LIMK1: variants seen among roughly 807,000 people sequenced by gnomAD.
LIMK1 encodes LIM motif-containing protein kinase.
A neutral mutation model predicts 77.6 loss-of-function variants in LIMK1; 21 were observed. The ratio of observed to expected loss-of-function variants is 0.27; its 90% CI spans 0.19 to 0.39. LIMK1 has a LOEUF of 0.39. LIMK1 is among the 10% of genes least tolerant of loss of function. The probability of loss-of-function intolerance (pLI) is 1.00; values close to 1 mark genes in which losing one functional copy is unlikely to be tolerated. For missense variants in LIMK1, 696 were observed against 901.6 expected, an observed-to-expected ratio of 0.77 and a Z score of 2.92; for synonymous variants, 358 against 370.0, an observed-to-expected ratio of 0.97 and a Z score of 0.37.
chr7:74,086,886 C>T (rs781890450), intron 2 of LIMK1, among the ~76,000 whole-genome samples: 1 of 152,134 alleles, frequency 6.6e-6, no homozygotes, highest in Non-Finnish European at 1.5e-5. Flanking sequence ...AGGCTGCTTG[C>T]GAACATGCAT....
chr7:74,094,423 G>A (rs1554695260), intron 2 of LIMK1: 1 of 152,306 alleles, frequency 6.6e-6, no homozygotes, highest in African/African-American at 2.4e-5. Context: ...GGGACACTTG[G>A]TTACAGCAAT....
intron 12 of LIMK1, 117 bp from the exon 13 acceptor site, chr7:74,115,685 G>A (rs559064169): frequency 3.7e-5 from 41 of 1,121,222 alleles, no homozygotes; most frequent in Middle Eastern, 2.3e-4. Context: ...CCAATACAGC[G>A]TATCAGAGGT....
chr7:74,093,353 T>C, intron 2 of LIMK1: 1 of 1,532,364 alleles, frequency 6.5e-7, no homozygotes, highest in Non-Finnish European at 8.7e-7. Context: ...GGGCCCCTGG[T>C]GTAAGGCCTG....
rs117811959 is a variant in LIMK1 at position 74,088,305 on chromosome 7, C to T, written c.152+2461C>T. On this transcript the variant is annotated intron_variant, in intron 2 of 15. Transcript: ENST00000336180. The stretch of plus-strand genomic sequence containing the variant: ...ACAGACAGCATGCCCTGGGATTCTG[C>T]ATCAGGTGCTCAGAAAGAGGCCTTC... Among the ~76,000 whole-genome samples, 719 of 152,264 alleles carry T rather than the reference C, an allele frequency of 4.7e-3. 6 individuals are homozygous for T. The highest frequency in any genetic ancestry group is 6.1e-3 in the Non-Finnish European group (414 of 68,014).
rs1799120901 is a variant in LIMK1 at position 74,085,638 on chromosome 7, G to A, written c.56-110G>A. On this transcript the variant is annotated intron_variant, in intron 1 of 15. Transcript: ENST00000336180. Reference sequence around the variant, plus strand: ...TGCCTGGGCGCTGCACATGTGCAGTGTGCGAGGATTGGTGCAGGTGTAGGT... The same window carrying A: ...TGCCTGGGCGCTGCACATGTGCAGTATGCGAGGATTGGTGCAGGTGTAGGT... The A allele has an allele frequency of 9.5e-6, 8 of 839,876 alleles. No individual in the cohort carries two copies. In the South Asian group the frequency reaches 1.2e-4, roughly 12 times the overall value. 52.0% of individuals were successfully genotyped at this position (839,876 alleles called of 1,614,324 possible). A position where few individuals can be genotyped will look rare whatever the true frequency, so the allele number is the denominator to read the frequency against.
chr7:74,120,479 G>T lies in LIMK1; in HGVS notation c.1568-104G>T, dbSNP rs144547607. ...TGCCGGCATCTGCCTCCTGGGCCTGGACCTCCCGGCCGGGGCATCCTCCCA... is the reference window on the plus strand; with the variant it reads ...TGCCGGCATCTGCCTCCTGGGCCTGTACCTCCCGGCCGGGGCATCCTCCCA... On this transcript the variant is annotated intron_variant, in intron 13 of 15. Coordinates refer to ENST00000336180, the MANE Select transcript of LIMK1 (RefSeq NM_002314.4). The T allele has an allele frequency of 3.7e-4, 456 of 1,248,860 alleles. 3 individuals carry two copies. In the East Asian group the frequency reaches 9.3e-3, roughly 26 times the overall value. 77.4% of individuals were successfully genotyped at this position (1,248,860 alleles called of 1,614,324 possible). A position where few individuals can be genotyped will look rare whatever the true frequency, so the allele number is the denominator to read the frequency against.
Position 74,096,661 on chromosome 7 carries a change from T to A in LIMK1, c.192T>A (p.Tyr64Ter), listed in dbSNP as rs1463476839. 6.2e-7 allele frequency: 1 copy of A among 1,613,788 alleles called. No individual in the cohort carries two copies. The highest frequency in any genetic ancestry group is 8.5e-7 in the Non-Finnish European group (1 of 1,179,808). ...GTGCCTCCCTGTCGCACCAGTACTA[T>A]GAGAAGGATGGGCAGCTCTTCTGCA... is the stretch of plus-strand genomic sequence containing the variant. The part of the protein sequence containing the change: ...DCSASLSHQY[Y>*]EKDGQLFCKK... Residue 64 changes from tyrosine (Y) to a stop codon, truncating the protein, a stop_gained, in exon 3 of 16, where the codon TAT becomes TAA. Transcript: ENST00000336180. LOFTEE classifies it high-confidence loss of function.
At chr7:74,113,442 A>G (rs1023753131) in intron 12 of LIMK1, among the ~76,000 whole-genome samples, 8 of 152,160 alleles carry the variant, frequency 5.3e-5, no homozygotes, top group African/African-American at 1.9e-4. Flanking sequence ...CCTGGCCAAC[A>G]TGGCAAAACC....
At chr7:74,114,389 A>G (rs1554699041) in intron 12 of LIMK1, among the ~76,000 whole-genome samples, 1 of 151,924 alleles carries the variant, frequency 6.6e-6, no homozygotes, top group Non-Finnish European at 1.5e-5. Flanking sequence ...TGTCTCTACA[A>G]AAAAATTAAA....
At chr7:74,116,786 C>G (rs1254428608) in intron 13 of LIMK1, among the ~76,000 whole-genome samples, 1 of 151,788 alleles carries the variant, frequency 6.6e-6, no homozygotes, top group Non-Finnish European at 1.5e-5. Flanking sequence ...ACTGCAGCCT[C>G]AACCTTCTGG....
rs1554698754 is a variant in LIMK1 at position 74,112,122 on chromosome 7, T to TG, written c.1410+129dup. The TG allele has an allele frequency of 9.3e-6, 7 of 754,244 alleles. No individual in the cohort carries two copies. In the South Asian group the frequency reaches 1.2e-4, roughly 13 times the overall value. The allele number at this position is 754,244 out of a possible 1,614,324, so 46.7% of individuals were successfully genotyped here. On this transcript the variant is annotated intron_variant, in intron 12 of 15. Coordinates refer to ENST00000336180, the MANE Select transcript of LIMK1 (RefSeq NM_002314.4). ...TTGCCTCCATGACTTCAATTTGAGG[T>TG]GGGGGTGGGGGGCAGCAGCCCGTGG...
intron 11 of LIMK1, 72 bp downstream of exon 11, chr7:74,111,779 C>G (rs1799704348): frequency 3.3e-6 from 5 of 1,521,710 alleles, no homozygotes; most frequent in Non-Finnish European, 4.5e-6. Context: ...CACAAAGAAG[C>G]TTTGAAAGAG....
At chr7:74,086,505 A>G (rs1367962748) in intron 2 of LIMK1, among the ~76,000 whole-genome samples, 1 of 152,088 alleles carries the variant, frequency 6.6e-6, no homozygotes, top group East Asian at 1.9e-4. Flanking sequence ...GATTATAGGT[A>G]TACACCACAA....
At chr7:74,098,285 C>G (rs1468699529) in intron 4 of LIMK1, among the ~76,000 whole-genome samples, 3 of 152,172 alleles carry the variant, frequency 2.0e-5, no homozygotes, top group Non-Finnish European at 4.4e-5. Flanking sequence ...TACCCCATTC[C>G]AAGGACTTAG....
chr7:74,101,216 A>G (rs1554696539), intron 5 of LIMK1, among the ~76,000 whole-genome samples: 1 of 152,160 alleles, frequency 6.6e-6, no homozygotes, highest in Non-Finnish European at 1.5e-5. Flanking sequence ...CTTTACATAC[A>G]TGATGAGCAG....
At chr7:74,107,284 G>C (rs897632873) in intron 8 of LIMK1, 91 bp downstream of exon 8, 1 of 1,369,982 alleles carries the variant, frequency 7.3e-7, no homozygotes, top group Non-Finnish European at 9.8e-7. Context: ...AGTGGAAGGG[G>C]TATCTGGCTT....
chr7:74,118,474 G>A (rs1274763468), intron 13 of LIMK1, among the ~76,000 whole-genome samples: 2 of 150,388 alleles, frequency 1.3e-5, no homozygotes, highest in African/African-American at 2.5e-5. Context: ...CTTAGTGGCC[G>A]GGCGCAGTGG....
intron 12 of LIMK1, among the ~76,000 whole-genome samples, chr7:74,114,891 G>A (rs1584130239): frequency 6.7e-6 from 1 of 149,972 alleles, no homozygotes; most frequent in African/African-American, 2.5e-5. Context: ...CTTCAACCTG[G>A]GCAATAGAGC....
chr7:74,109,090 C>A, intron 10 of LIMK1, 54 bp downstream of exon 10: 1 of 1,408,608 alleles, frequency 7.1e-7, no homozygotes, highest in Admixed American at 1.9e-5. Context: ...GGCAAAGCAG[C>A]TCCCTCTGTG....
Sources: allele counts gnomAD v4.1 joint callset (sites outside exome capture counted in the v4.1 genomes callset), GRCh38; gene constraint gnomAD v4.1.1; transcripts MANE v1.5; gene names NCBI Gene and HGNC (gene_info 2026-07-23, HGNC 2026-07-21).